The following GRID2 variants were observed in gnomAD, a reference collection of about 807,000 sequenced individuals.
GRID2 encodes glutamate receptor ionotropic, delta-2.
GRID2 carries 33 observed loss-of-function variants against 114.8 expected under a neutral mutation model. The ratio of observed to expected loss-of-function variants is 0.29; its 90% CI spans 0.22 to 0.38. The LOEUF is 0.38. GRID2 is among the 10% of genes least tolerant of loss of function. The pLI is 1.00. For missense variants in GRID2, 1,184 were observed against 1,257.7 expected (o/e 0.94, Z 0.89); for synonymous variants, 505 against 449.9 (o/e 1.12, Z -1.55).
chr4:92,559,144 T>C (rs943076484), intron 1 of GRID2, among the ~76,000 whole-genome samples: 3 of 152,176 alleles, frequency 2.0e-5, no homozygotes, highest in South Asian at 2.1e-4. Context: ...TTTTATTATA[T>C]ATAAGCCATT....
intron 14 of GRID2, among the ~76,000 whole-genome samples, chr4:93,735,621 A>T (rs1560957984): frequency 6.6e-6 from 1 of 151,980 alleles, no homozygotes; most frequent in Admixed American, 6.6e-5. Flanking sequence ...TCAAATTATA[A>T]TTTCAGGCAT....
At chr4:93,318,054 A>C (rs943358119) in intron 8 of GRID2, among the ~76,000 whole-genome samples, 1 of 139,018 alleles carries the variant, frequency 7.2e-6, no homozygotes, top group Non-Finnish European at 1.5e-5. Context: ...GGTGAAGAGC[A>C]TCTAACCTGA....
chr4:93,163,932 G>A (rs887303141), intron 4 of GRID2, among the ~76,000 whole-genome samples: 3 of 151,938 alleles, frequency 2.0e-5, no homozygotes, highest in Non-Finnish European at 4.4e-5. Flanking sequence ...GATTAATACA[G>A]AAGTTATAGC....
intron 13 of GRID2, among the ~76,000 whole-genome samples, chr4:93,579,596 T>C (rs976695562): frequency 6.6e-6 from 1 of 152,076 alleles, no homozygotes; most frequent in Non-Finnish European, 1.5e-5. Flanking sequence ...AGAGGGGTAG[T>C]TGGTGTTGAA....
intron 14 of GRID2, among the ~76,000 whole-genome samples, chr4:93,685,085 G>GA (rs901231337): frequency 3.4e-4 from 51 of 151,890 alleles, no homozygotes; most frequent in South Asian, 1.9e-3. Flanking sequence ...TGATAAAAAG[G>GA]AAAAAAAGGC....
intron 2 of GRID2, among the ~76,000 whole-genome samples, chr4:93,038,998 A>G (rs541384766): frequency 1.3e-5 from 2 of 152,292 alleles, no homozygotes; most frequent in African/African-American, 4.8e-5. Context: ...AAATCATTCT[A>G]TGATAAAGAC....
intron 14 of GRID2, among the ~76,000 whole-genome samples, chr4:93,708,131 T>G (rs1728166995): frequency 6.6e-6 from 1 of 152,074 alleles, no homozygotes; most frequent in Non-Finnish European, 1.5e-5. Context: ...GAATGAACCA[T>G]GTACTGAAGA....
At chr4:92,600,073 T>A (rs1328684492) in intron 2 of GRID2, among the ~76,000 whole-genome samples, 2 of 135,518 alleles carry the variant, frequency 1.5e-5, no homozygotes, top group South Asian at 4.7e-4. Context: ...TATATATATA[T>A]ATATATATAT....
At chr4:93,018,273 C>T (rs1219407955) in intron 2 of GRID2, among the ~76,000 whole-genome samples, 1 of 148,578 alleles carries the variant, frequency 6.7e-6, no homozygotes, top group African/African-American at 2.5e-5. Flanking sequence ...AGGGACTAAT[C>T]AGTTAGCTGG....
At chr4:92,526,209 G>T (rs1560689310) in intron 1 of GRID2, among the ~76,000 whole-genome samples, 1 of 134,986 alleles carries the variant, frequency 7.4e-6, no homozygotes. Context: ...AGAAATAGAA[G>T]AAAATTCATT....
At chr4:93,401,902 C>T (rs943370005) in intron 9 of GRID2, among the ~76,000 whole-genome samples, 4 of 148,922 alleles carry the variant, frequency 2.7e-5, no homozygotes, top group African/African-American at 9.8e-5. Flanking sequence ...AAATATCCAT[C>T]ATTAGTCTCA....
At chr4:93,021,123 A>G (rs1723241194) in intron 2 of GRID2, among the ~76,000 whole-genome samples, 1 of 151,932 alleles carries the variant, frequency 6.6e-6, no homozygotes, top group African/African-American at 2.4e-5. Flanking sequence ...TTGATAATTG[A>G]TATTTCAGTT....
At chr4:92,978,455 T>G (rs537882529) in intron 2 of GRID2, among the ~76,000 whole-genome samples, 1 of 152,170 alleles carries the variant, frequency 6.6e-6, no homozygotes, top group East Asian at 2.0e-4. Context: ...ACTCAAGAAC[T>G]ATTTGGTCAA....
chr4:93,684,352 A>G (rs577439620), intron 14 of GRID2, among the ~76,000 whole-genome samples: 47 of 152,268 alleles, frequency 3.1e-4, no homozygotes, highest in South Asian at 1.2e-3. Context: ...TCTTAGTTTG[A>G]AGAGAAAAAT....
chr4:92,887,720 C>G (rs1240503984), intron 2 of GRID2, among the ~76,000 whole-genome samples: 1 of 152,142 alleles, frequency 6.6e-6, no homozygotes, highest in South Asian at 2.1e-4. Context: ...ATTTTGGATG[C>G]TTTCACTATT....
chr4:92,670,386 A>G (rs185394110), intron 2 of GRID2, among the ~76,000 whole-genome samples: 22 of 152,032 alleles, frequency 1.4e-4, no homozygotes, highest in African/African-American at 4.6e-4. Flanking sequence ...CTTTTTTTTA[A>G]ACTGATTTAA....
At chr4:92,696,056 G>A (rs1375122312) in intron 2 of GRID2, among the ~76,000 whole-genome samples, 1 of 152,008 alleles carries the variant, frequency 6.6e-6, no homozygotes, top group Non-Finnish European at 1.5e-5. Context: ...TCTAAGACTT[G>A]TTAGTTAATT....
intron 8 of GRID2, among the ~76,000 whole-genome samples, chr4:93,390,069 G>A (rs10025408): frequency 0.18 from 26,694 of 152,114 alleles, 4,273 homozygotes; most frequent in African/African-American, 0.43. Flanking sequence ...GACTACAGGC[G>A]TGAGCCACCG....
rs115894537 is a variant in GRID2 at position 93,525,045 on chromosome 4, A to G, written c.2193+9634A>G. Among the ~76,000 whole-genome samples the G allele has an allele frequency of 6.8e-3, 1,037 of 151,952 alleles. 12 individuals are homozygous for G. The highest frequency in any genetic ancestry group is 0.024 in the African/African-American group (975 of 41,450). On this transcript the variant is annotated intron_variant, in intron 13 of 15. Coordinates refer to ENST00000282020, the MANE Select transcript of GRID2 (RefSeq NM_001510.4). ...CTTTTAATTAGCTACATTCAATTCT[A>G]ATTCATCTATTCATTCACTCATTCC...
Sources: gnomAD v4.1 joint callset for allele counts (sites outside exome capture counted in the v4.1 genomes callset) on GRCh38, gnomAD v4.1.1 for gene constraint, MANE v1.5 for transcripts, NCBI Gene and HGNC (gene_info 2026-07-23, HGNC 2026-07-21) for gene names.